The following SLC39A11 variants were observed in gnomAD, a reference collection of about 807,000 sequenced individuals.
SLC39A11 encodes zinc transporter ZIP11.
Under a neutral mutation model 36.1 loss-of-function variants are expected in SLC39A11, and 33 were observed. That is an observed-to-expected ratio of 0.91 (90% CI 0.69 to 1.22). The LOEUF is 1.22. Among genes scored for constraint, SLC39A11 ranks in the 50% most tolerant of loss-of-function variants. SLC39A11 has a pLI of 0.00. For synonymous variants in SLC39A11, 166 were observed against 170.3 expected, an observed-to-expected ratio of 0.97 and a Z score of 0.20; for missense variants, 432 against 430.3, an observed-to-expected ratio of 1.00 and a Z score of -0.03.
At chr17:72,954,347 G>A (rs2086092602) in intron 4 of SLC39A11, among the ~76,000 whole-genome samples, 2 of 152,238 alleles carry the variant, frequency 1.3e-5, no homozygotes, top group South Asian at 4.1e-4. Context: ...CTGAGGAAAG[G>A]CCAAGGCCAA....
intron 5 of SLC39A11, among the ~76,000 whole-genome samples, chr17:72,924,077 A>G (rs2083874263): frequency 6.6e-6 from 1 of 150,740 alleles, no homozygotes; most frequent in South Asian, 2.1e-4. Flanking sequence ...AGCCCGGGCT[A>G]TCAAGGCTGC....
intron 7 of SLC39A11, among the ~76,000 whole-genome samples, chr17:72,697,423 C>T (rs980776879): frequency 2.0e-5 from 3 of 152,142 alleles, no homozygotes; most frequent in African/African-American, 7.2e-5. Flanking sequence ...CTGATTATCC[C>T]CAGATGAAGG....
chr17:72,683,494 C>T (rs1202189155), intron 7 of SLC39A11, among the ~76,000 whole-genome samples: 1 of 151,946 alleles, frequency 6.6e-6, no homozygotes, highest in African/African-American at 2.4e-5. Context: ...CACCACCACA[C>T]CTGGCTAATT....
At chr17:72,894,116 C>T (rs1389644609) in intron 5 of SLC39A11, among the ~76,000 whole-genome samples, 1 of 152,042 alleles carries the variant, frequency 6.6e-6, no homozygotes, top group Non-Finnish European at 1.5e-5. Flanking sequence ...AATCCCAGCA[C>T]TTTGGGAGGC....
chr17:72,965,517 T>C (rs1456015125), intron 4 of SLC39A11, among the ~76,000 whole-genome samples: 1 of 152,224 alleles, frequency 6.6e-6, no homozygotes, highest in Non-Finnish European at 1.5e-5. Flanking sequence ...TATTATAAAC[T>C]AGGCTTTGTG....
At chr17:72,951,679 G>A (rs2085875955) in intron 4 of SLC39A11, among the ~76,000 whole-genome samples, 1 of 152,102 alleles carries the variant, frequency 6.6e-6, no homozygotes, top group South Asian at 2.1e-4. Context: ...AACATTGCCT[G>A]GCACAAACCA....
At chr17:73,078,816 A>C (rs991059477) in intron 3 of SLC39A11, among the ~76,000 whole-genome samples, 2 of 151,978 alleles carry the variant, frequency 1.3e-5, no homozygotes, top group African/African-American at 4.8e-5. Flanking sequence ...CAGTCTTTTA[A>C]GTGAATCCAG....
At chr17:73,059,705 GA>G (rs35281532) in intron 3 of SLC39A11, among the ~76,000 whole-genome samples, 38,822 of 149,132 alleles carry the variant, frequency 0.26, 5,935 homozygotes, top group East Asian at 0.8. Context: ...CATATGCAAG[GA>G]AAAAAAAGAT....
At chr17:72,663,093 G>T (rs1386568123) in intron 7 of SLC39A11, among the ~76,000 whole-genome samples, 3 of 152,196 alleles carry the variant, frequency 2.0e-5, no homozygotes, top group Admixed American at 2.0e-4. Flanking sequence ...AATAGTAAGT[G>T]TTGTACAGTC....
At chr17:72,718,852 A>T (rs1598436223) in intron 7 of SLC39A11, among the ~76,000 whole-genome samples, 1 of 151,796 alleles carries the variant, frequency 6.6e-6, no homozygotes, top group South Asian at 2.1e-4. Flanking sequence ...TAAGTCTTGA[A>T]CTCCTGGCCT....
intron 4 of SLC39A11, among the ~76,000 whole-genome samples, chr17:72,949,932 G>A (rs1283716261): frequency 6.8e-6 from 1 of 146,870 alleles, no homozygotes; most frequent in African/African-American, 2.5e-5. Context: ...TCTCACAAAA[G>A]GGATACCAGG....
At chr17:72,812,862 G>C (rs1189687338) in intron 6 of SLC39A11, among the ~76,000 whole-genome samples, 1 of 152,128 alleles carries the variant, frequency 6.6e-6, no homozygotes, top group African/African-American at 2.4e-5. Context: ...CATCCTTACT[G>C]CTTCTTTTGG....
At chr17:72,812,583 C>G (rs1200639640) in intron 6 of SLC39A11, among the ~76,000 whole-genome samples, 2 of 152,200 alleles carry the variant, frequency 1.3e-5, no homozygotes, top group Non-Finnish European at 2.9e-5. Flanking sequence ...ACAGTCAAAA[C>G]ATCTGCTTCT....
chr17:72,715,938 C>CA (rs2073342810), intron 7 of SLC39A11, among the ~76,000 whole-genome samples: 1 of 152,122 alleles, frequency 6.6e-6, no homozygotes, highest in South Asian at 2.1e-4. Flanking sequence ...TTCAAGTGAT[C>CA]CGCCCGCTTC....
rs141049542 is a variant in SLC39A11 at position 73,013,721 on chromosome 17, T to C, written c.306+17835A>G. 2.0e-3 allele frequency among the ~76,000 whole-genome samples: 309 copies of C among 152,282 alleles called. 3 individuals carry two copies. The highest frequency in any genetic ancestry group is 7.0e-3 in the African/African-American group (289 of 41,538). ...TTTTTTTTTAGCTCATCAGCTATCGTTAGTATTTGTTCCTGTATTTTATGT... is the reference window on the plus strand; with the variant it reads ...TTTTTTTTTAGCTCATCAGCTATCGCTAGTATTTGTTCCTGTATTTTATGT... On this transcript the variant is annotated intron_variant, in intron 4 of 9. Coordinates refer to ENST00000255559, the MANE Select transcript of SLC39A11 (RefSeq NM_139177.4).
intron 4 of SLC39A11, among the ~76,000 whole-genome samples, chr17:73,024,138 T>C (rs1477380793): frequency 6.6e-6 from 1 of 152,234 alleles, no homozygotes; most frequent in African/African-American, 2.4e-5. Flanking sequence ...CCACCTTCTT[T>C]GGCCTGGGGC....
intron 1 of SLC39A11, 140 bp from the exon 2 acceptor site, chr17:73,088,915 T>C: frequency 1.6e-6 from 1 of 642,230 alleles, no homozygotes; most frequent in Admixed American, 2.2e-5. Flanking sequence ...ACGCCATCTG[T>C]GTCCCTCAGC....
chr17:72,964,082 A>C (rs1228592177), intron 4 of SLC39A11, among the ~76,000 whole-genome samples: 1 of 152,190 alleles, frequency 6.6e-6, no homozygotes, highest in Non-Finnish European at 1.5e-5. Context: ...CCCGAGGTAC[A>C]CACGAGTTTT....
intron 7 of SLC39A11, among the ~76,000 whole-genome samples, chr17:72,659,355 T>C (rs1045574051): frequency 5.9e-5 from 9 of 152,028 alleles, no homozygotes; most frequent in Non-Finnish European, 1.2e-4. Context: ...ACATCCAAGA[T>C]GGACTGTGAA....
Sources: allele counts gnomAD v4.1 joint callset (sites outside exome capture counted in the v4.1 genomes callset), GRCh38; gene constraint gnomAD v4.1.1; transcripts MANE v1.5; gene names NCBI Gene and HGNC (gene_info 2026-07-23, HGNC 2026-07-21).